ARHGAP6: variants seen among roughly 807,000 people sequenced by gnomAD.
ARHGAP6 encodes Rho GTPase activating protein 6, also known as rho GTPase-activating protein 6.
A neutral mutation model predicts 55.7 loss-of-function variants in ARHGAP6; 16 were observed. That is an observed-to-expected ratio of 0.29 (90% CI 0.19 to 0.44). ARHGAP6 has a LOEUF of 0.44. ARHGAP6 is among the 20% of genes least tolerant of loss of function. The probability of loss-of-function intolerance (pLI) is 1.00; values close to 1 mark genes in which losing one functional copy is unlikely to be tolerated. For synonymous variants in ARHGAP6, 382 were observed against 360.9 expected, an observed-to-expected ratio of 1.06 and a Z score of -0.66; for missense variants, 698 against 808.9, an observed-to-expected ratio of 0.86 and a Z score of 1.66.
intron 1 of ARHGAP6, among the ~76,000 whole-genome samples, chrX:11,272,546 A>G (rs1274001514): frequency 9.2e-6 from 1 of 108,633 alleles, no homozygotes; most frequent in Non-Finnish European, 1.9e-5. Flanking sequence ...CTCTCCATAT[A>G]TTCCTTCATT....
At chrX:11,517,164 T>A (rs374436633) in intron 1 of ARHGAP6, among the ~76,000 whole-genome samples, 1 of 111,785 alleles carries the variant, frequency 8.9e-6, no homozygotes. Context: ...ATGTCATTCA[T>A]CCTTTACCCA....
rs144611675 is a variant in ARHGAP6, at chrX:11,530,106, C to A, written c.588+134135G>T. On this transcript the variant is annotated intron_variant, in intron 1 of 12. Transcript: ENST00000337414. Reference sequence around the variant, plus strand: ...CCATCCCCATCTACCAAGGAAAATTCTGCTGATCTTACAAGACCCAGATCA... The same window carrying A: ...CCATCCCCATCTACCAAGGAAAATTATGCTGATCTTACAAGACCCAGATCA... Among the ~76,000 whole-genome samples, 701 of 111,461 alleles carry A rather than the reference C, an allele frequency of 6.3e-3. 7 individuals are homozygous for A. Among genetic ancestry groups the A allele is most frequent in the African/African-American group, 0.022 (664 of 30,693 alleles).
intron 1 of ARHGAP6, among the ~76,000 whole-genome samples, chrX:11,572,340 C>T (rs975718755): frequency 5.5e-5 from 6 of 109,482 alleles, no homozygotes; most frequent in African/African-American, 1.0e-4. Flanking sequence ...CCTCCCCCCT[C>T]CTCCCACCCC....
At chrX:11,599,248 T>A (rs747521216) in intron 1 of ARHGAP6, among the ~76,000 whole-genome samples, 12 of 111,500 alleles carry the variant, frequency 1.1e-4, no homozygotes, top group Non-Finnish European at 2.1e-4. Context: ...GATCCTGATT[T>A]TAATTCCTTT....
intron 8 of ARHGAP6, among the ~76,000 whole-genome samples, chrX:11,173,793 A>G (rs1050368420): frequency 9.0e-6 from 1 of 111,656 alleles, no homozygotes; most frequent in African/African-American, 3.3e-5. Context: ...TATTATGTTC[A>G]TTTTGTAGAT....
chrX:11,522,476 G>T (rs1269981259), intron 1 of ARHGAP6, among the ~76,000 whole-genome samples: 1 of 110,575 alleles, frequency 9.0e-6, no homozygotes, highest in Middle Eastern at 4.6e-3. Context: ...CAACAAAATC[G>T]ATAGACCGCT....
intron 1 of ARHGAP6, among the ~76,000 whole-genome samples, chrX:11,263,861 A>G (rs2047591501): frequency 9.0e-6 from 1 of 111,684 alleles, no homozygotes; most frequent in African/African-American, 3.3e-5. Context: ...TGAAATGGGG[A>G]TGATGACAGG....
intron 1 of ARHGAP6, among the ~76,000 whole-genome samples, chrX:11,284,905 T>C (rs1416682235): frequency 8.9e-6 from 1 of 111,776 alleles, no homozygotes; most frequent in Non-Finnish European, 1.9e-5. Context: ...CTTCCAAATA[T>C]TATAAAATGT....
At chrX:11,371,820 T>C (rs2049147034) in intron 1 of ARHGAP6, among the ~76,000 whole-genome samples, 1 of 112,357 alleles carries the variant, frequency 8.9e-6, no homozygotes, top group African/African-American at 3.2e-5. Context: ...AATATCTACA[T>C]AATAATTAGG....
At chrX:11,227,481 C>T (rs1176628825) in intron 2 of ARHGAP6, among the ~76,000 whole-genome samples, 1 of 111,825 alleles carries the variant, frequency 8.9e-6, no homozygotes, top group East Asian at 2.8e-4. Flanking sequence ...TATTATTAAG[C>T]TCTTTTCTGA....
chrX:11,339,026 T>A (rs187575899), intron 1 of ARHGAP6, among the ~76,000 whole-genome samples: 1 of 112,079 alleles, frequency 8.9e-6, no homozygotes, highest in African/African-American at 3.2e-5. Flanking sequence ...TCTGAAGATG[T>A]GTCTGGAATT....
At chrX:11,567,157 A>G (rs1184148746) in intron 1 of ARHGAP6, among the ~76,000 whole-genome samples, 1 of 111,833 alleles carries the variant, frequency 8.9e-6, no homozygotes, top group East Asian at 2.8e-4. Flanking sequence ...TTCTCTAAAC[A>G]TGTTAAATCA....
chrX:11,479,327 C>T lies in ARHGAP6; in HGVS notation c.588+184914G>A, dbSNP rs556491762. Reference sequence around the variant, plus strand: ...CTGTACAACCAGCAAGGGCAACATCCCGGTTCAGCTCATCAGAACACAGCT... The same window carrying T: ...CTGTACAACCAGCAAGGGCAACATCTCGGTTCAGCTCATCAGAACACAGCT... On this transcript the variant is annotated intron_variant, in intron 1 of 12. Transcript: ENST00000337414. Among the ~76,000 whole-genome samples the T allele has an allele frequency of 2.7e-5, 3 of 112,101 alleles. No individual in the cohort carries two copies. In the Admixed American group the frequency reaches 2.8e-4, roughly 11 times the overall value.
intron 1 of ARHGAP6, among the ~76,000 whole-genome samples, chrX:11,366,057 G>A (rs1184414683): frequency 1.8e-5 from 2 of 111,421 alleles, no homozygotes; most frequent in Non-Finnish European, 3.8e-5. Flanking sequence ...TCCCATCATG[G>A]GAGCCCCACT....
intron 1 of ARHGAP6, among the ~76,000 whole-genome samples, chrX:11,521,399 A>T (rs1299212190): frequency 8.9e-6 from 1 of 112,193 alleles, no homozygotes. Context: ...TCCCAGCACC[A>T]TTTGTTGAAT....
At chrX:11,483,812 G>C (rs1348799236) in intron 1 of ARHGAP6, among the ~76,000 whole-genome samples, 1 of 111,466 alleles carries the variant, frequency 9.0e-6, no homozygotes, top group Non-Finnish European at 1.9e-5. Flanking sequence ...ATGAGCTGTA[G>C]GGATGGATGT....
At chrX:11,262,919 C>T (rs2047579670) in intron 1 of ARHGAP6, among the ~76,000 whole-genome samples, 1 of 110,866 alleles carries the variant, frequency 9.0e-6, no homozygotes, top group Non-Finnish European at 1.9e-5. Context: ...TAATATCAGA[C>T]AATACAAATG....
chrX:11,326,661 C>T (rs969430533), intron 1 of ARHGAP6, among the ~76,000 whole-genome samples: 19 of 111,453 alleles, frequency 1.7e-4, no homozygotes, highest in African/African-American at 5.9e-4. Context: ...CTTTTTCCCT[C>T]GATGTCAAAA....
intron 1 of ARHGAP6, among the ~76,000 whole-genome samples, chrX:11,515,874 T>C (rs757886130): frequency 5.1e-4 from 58 of 112,947 alleles, no homozygotes; most frequent in African/African-American, 1.8e-3. Flanking sequence ...AAGTGAAGAC[T>C]AAATTACTAA....
Sources: allele counts gnomAD v4.1 joint callset (sites outside exome capture counted in the v4.1 genomes callset), GRCh38; gene constraint gnomAD v4.1.1; transcripts MANE v1.5; gene names NCBI Gene and HGNC (gene_info 2026-07-23, HGNC 2026-07-21).